The following KCNT2 variants were observed in gnomAD, a reference collection of about 807,000 sequenced individuals.
KCNT2 encodes potassium channel subfamily T member 2.
A neutral mutation model predicts 153.8 loss-of-function variants in KCNT2; 67 were observed. The ratio of observed to expected loss-of-function variants is 0.44; its 90% CI spans 0.36 to 0.53. The LOEUF is 0.53. Among genes scored for constraint, KCNT2 ranks in the 20% least tolerant of loss-of-function variants. KCNT2 has a pLI of 0.00. For synonymous variants in KCNT2, 500 were observed against 458.8 expected (o/e 1.09, Z -1.15); for missense variants, 975 against 1,354.8 (o/e 0.72, Z 4.40).
At chr1:196,573,910 T>C (rs1661058341) in intron 1 of KCNT2, among the ~76,000 whole-genome samples, 1 of 151,848 alleles carries the variant, frequency 6.6e-6, no homozygotes, top group Non-Finnish European at 1.5e-5. Flanking sequence ...ATAGCATTAA[T>C]TAACTTATAA....
chr1:196,411,738 C>CT (rs2148485730), intron 12 of KCNT2, among the ~76,000 whole-genome samples: 1 of 151,826 alleles, frequency 6.6e-6, no homozygotes, highest in African/African-American at 2.4e-5. Flanking sequence ...AGTTCTAACA[C>CT]TTTTTTCTGG....
chr1:196,381,733 C>T (rs1199165710), intron 13 of KCNT2, among the ~76,000 whole-genome samples: 2 of 152,118 alleles, frequency 1.3e-5, no homozygotes, highest in Non-Finnish European at 2.9e-5. Flanking sequence ...GAACAAATGG[C>T]TGGAGCATCC....
chr1:196,296,141 A>C lies in KCNT2; in HGVS notation c.2595+9093T>G, dbSNP rs188168128. ...AAAATAAAGAATGAAATTCTATATA[A>C]ATATACTATTATCTGTTTGATGTAT... On this transcript the variant is annotated intron_variant, in intron 22 of 27. Coordinates refer to ENST00000294725, the MANE Select transcript of KCNT2 (RefSeq NM_198503.5). 4.5e-3 allele frequency among the ~76,000 whole-genome samples: 686 copies of C among 152,098 alleles called. 3 individuals are homozygous for C. The highest frequency in any genetic ancestry group is 0.023 in the South Asian group (109 of 4,832).
intron 1 of KCNT2, among the ~76,000 whole-genome samples, chr1:196,528,289 AT>A (rs1408845375): frequency 6.6e-6 from 1 of 152,158 alleles, no homozygotes; most frequent in Non-Finnish European, 1.5e-5. Flanking sequence ...AATATTACAA[AT>A]CTGGGTAGCC....
chr1:196,274,556 T>C (rs982165241), intron 25 of KCNT2, among the ~76,000 whole-genome samples: 11 of 151,730 alleles, frequency 7.2e-5, no homozygotes, highest in Non-Finnish European at 1.3e-4. Flanking sequence ...GATTTTATAA[T>C]AGGTAAATTT....
Position 196,315,993 on chromosome 1 carries a change from A to G in KCNT2, c.2382T>C (p.Phe794=). 2 of 1,610,790 alleles carry G rather than the reference A, an allele frequency of 1.2e-6. No individual in the cohort carries two copies. The highest frequency in any genetic ancestry group is 1.7e-6 in the Non-Finnish European group (2 of 1,177,938). ...TATCCACAACCACCATATTAGCAGC[A>G]AAAGTCACTCCACACCTGAGTAAGT... ...LDDLLRCGVT[F]AANMVVVDKE... The change falls in exon 21 of 28, where the codon TTT becomes TTC. Residue 794 remains phenylalanine (F), a synonymous_variant. Transcript: ENST00000294725.
rs113300269 is a variant in KCNT2, at chr1:196,372,331, A to T, written c.1403+809T>A. 5.5e-3 allele frequency among the ~76,000 whole-genome samples: 844 copies of T among 152,096 alleles called. 5 individuals carry two copies. Among genetic ancestry groups the T allele is most frequent in the African/African-American group, 0.018 (741 of 41,572 alleles). ...ATTTATTTGATTTGACACTTCACCT[A>T]AACAATTATCAATTAACTTACTTAA... On this transcript the variant is annotated intron_variant, in intron 14 of 27. Transcript: ENST00000294725.
Position 196,236,069 on chromosome 1 carries a change from A to T in KCNT2, c.3213T>A (p.Asp1071Glu). 1 of 1,559,268 alleles carries T rather than the reference A, an allele frequency of 6.4e-7. No homozygotes were observed. ...KHLGLSTVGY[D>E]EMNDHQSTLS... ...GGGTACTTTGATGATCATTCATTTC[A>T]TCTAGAAGATAAATAAATGCCAAGT... The change falls in exon 27 of 28, where the codon GAT (aspartate) becomes GAA (glutamate). Residue 1071 changes from aspartate to glutamate, a missense_variant and splice_region_variant. Asp to Glu is a conservative substitution (Grantham distance 45). This residue lies in a region of KCNT2 where 241 missense variants were observed against 271.1 expected (regional missense o/e 0.89). Coordinates refer to ENST00000294725, the MANE Select transcript of KCNT2 (RefSeq NM_198503.5).
At chr1:196,586,966 A>G (rs745977451) in intron 1 of KCNT2, among the ~76,000 whole-genome samples, 1 of 152,102 alleles carries the variant, frequency 6.6e-6, no homozygotes, top group Non-Finnish European at 1.5e-5. Flanking sequence ...CAATTAGCAT[A>G]ATATCATTCA....
intron 12 of KCNT2, among the ~76,000 whole-genome samples, chr1:196,410,343 A>G (rs1672188739): frequency 6.6e-6 from 1 of 150,488 alleles, no homozygotes; most frequent in Non-Finnish European, 1.5e-5. Context: ...AGTTTGATAT[A>G]ATACCACTTG....
chr1:196,379,636 C>T (rs1418939277), intron 13 of KCNT2, among the ~76,000 whole-genome samples: 2 of 149,566 alleles, frequency 1.3e-5, no homozygotes, highest in African/African-American at 4.9e-5. Context: ...GAAGAAAATA[C>T]AAGATATATG....
chr1:196,307,107 T>C (rs1166703267), intron 21 of KCNT2, among the ~76,000 whole-genome samples: 2 of 152,084 alleles, frequency 1.3e-5, no homozygotes, highest in Admixed American at 6.6e-5. Context: ...GTGCAACTGA[T>C]AACTTTTTCA....
At chr1:196,391,927 C>T (rs989491625) in intron 13 of KCNT2, among the ~76,000 whole-genome samples, 1 of 151,126 alleles carries the variant, frequency 6.6e-6, no homozygotes, top group Non-Finnish European at 1.5e-5. Context: ...TGAGTTAATA[C>T]TGAATTTTAA....
intron 21 of KCNT2, among the ~76,000 whole-genome samples, chr1:196,314,776 T>C (rs2148015281): frequency 6.6e-6 from 1 of 151,824 alleles, no homozygotes; most frequent in Admixed American, 6.6e-5. Flanking sequence ...AGTTTGCTGC[T>C]GTATAGTCCA....
intron 1 of KCNT2, among the ~76,000 whole-genome samples, chr1:196,566,505 T>C (rs909474576): frequency 6.6e-6 from 1 of 152,016 alleles, no homozygotes. Context: ...ATTAATCAAA[T>C]GGGTTGGAAA....
intron 25 of KCNT2, among the ~76,000 whole-genome samples, chr1:196,270,968 TAC>T (rs1307094981): frequency 1.3e-5 from 2 of 151,574 alleles, no homozygotes; most frequent in African/African-American, 4.8e-5. Flanking sequence ...CAAAAGCCAG[TAC>T]AGTGATTCTA....
intron 1 of KCNT2, among the ~76,000 whole-genome samples, chr1:196,519,578 C>T (rs1423403510): frequency 1.3e-5 from 2 of 151,718 alleles, no homozygotes; most frequent in African/African-American, 2.4e-5. Context: ...AAATAAGATC[C>T]AAATAAGCAC....
intron 8 of KCNT2, among the ~76,000 whole-genome samples, chr1:196,458,561 T>C (rs1676879600): frequency 6.6e-6 from 1 of 151,936 alleles, no homozygotes; most frequent in African/African-American, 2.4e-5. Flanking sequence ...CTTAAAGAGG[T>C]CCTGTATATC....
At chr1:196,459,837 A>G (rs1676995217) in intron 8 of KCNT2, among the ~76,000 whole-genome samples, 4 of 151,858 alleles carry the variant, frequency 2.6e-5, no homozygotes, top group Non-Finnish European at 5.9e-5. Flanking sequence ...AACTCTGTCA[A>G]GTAAACATTC....
Sources: gnomAD v4.1 joint callset for allele counts (sites outside exome capture counted in the v4.1 genomes callset) on GRCh38, gnomAD v4.1.1 for gene constraint, gnomAD v4.1.1 regional missense constraint, MANE v1.5 for transcripts, NCBI Gene and HGNC (gene_info 2026-07-23, HGNC 2026-07-21) for gene names.